BCKDHB: variants seen among roughly 807,000 people sequenced by gnomAD.
The protein encoded by BCKDHB is branched chain keto acid dehydrogenase E1 subunit beta.
Under a neutral mutation model 48.5 loss-of-function variants are expected in BCKDHB, and 41 were observed. The observed-to-expected ratio is 0.85, with a 90% CI of 0.66 to 1.10. The LOEUF (loss-of-function observed/expected upper bound fraction) is 1.10. Ranked by LOEUF, BCKDHB falls within the 50% of genes least tolerant of loss-of-function variation. BCKDHB has a pLI of 0.00. For synonymous variants in BCKDHB, 201 were observed against 174.8 expected (o/e 1.15, Z -1.18); for missense variants, 496 against 494.2 (o/e 1.00, Z -0.03).
At chr6:80,157,459 A>ATTT (rs36063034) in intron 3 of BCKDHB, among the ~76,000 whole-genome samples, 1,090 of 96,646 alleles carry the variant, frequency 0.011, 17 homozygotes, top group East Asian at 0.016. Context: ...TTGGGTGAGA[A>ATTT]TTTTTTTTTT....
chr6:80,125,391 A>T (rs940093201), intron 1 of BCKDHB, among the ~76,000 whole-genome samples: 2 of 152,126 alleles, frequency 1.3e-5, no homozygotes, highest in African/African-American at 4.8e-5. Flanking sequence ...CAATAAGGCT[A>T]TTTTGCTTTC....
intron 3 of BCKDHB, among the ~76,000 whole-genome samples, chr6:80,145,452 C>T (rs530329086): frequency 5.9e-5 from 9 of 152,308 alleles, no homozygotes; most frequent in African/African-American, 2.2e-4. Flanking sequence ...TAAGTAAAAA[C>T]AATGGGCTTG....
At chr6:80,113,845 C>T (rs1043479098) in intron 1 of BCKDHB, among the ~76,000 whole-genome samples, 5 of 152,148 alleles carry the variant, frequency 3.3e-5, no homozygotes, top group South Asian at 2.1e-4. Context: ...GGTCACTTTC[C>T]GCAACCAATC....
At chr6:80,406,427 C>T in the BCKDHB span, among the ~76,000 whole-genome samples, 1 of 152,238 alleles carries the variant, frequency 6.6e-6, no homozygotes, top group Non-Finnish European at 1.5e-5. Flanking sequence ...TGAGGAATCA[C>T]CACACTGTCT....
rs138926272 is a variant in BCKDHB at position 80,277,806 on chromosome 6, C to G, written c.1038+4585C>G. 3.0e-3 allele frequency among the ~76,000 whole-genome samples: 454 copies of G among 151,734 alleles called. 2 individuals carry two copies. The highest frequency in any genetic ancestry group is 0.01 in the African/African-American group (417 of 41,376). ...ATAAGAACTCAGAAACTGTGGATAC[C>G]AACATATATTTTTTAAGATTATCAG... On this transcript the variant is annotated intron_variant, in intron 9 of 9. Transcript: ENST00000320393.
intron 8 of BCKDHB, among the ~76,000 whole-genome samples, chr6:80,269,706 GATGAA>G (rs1777656244): frequency 6.6e-6 from 1 of 152,034 alleles, no homozygotes; most frequent in Admixed American, 6.6e-5. Flanking sequence ...TGTTTCAAGT[GATGAA>G]ATGAATTTAT....
downstream of BCKDHB, among the ~76,000 whole-genome samples, chr6:80,349,743 A>C (rs1011797248): frequency 1.3e-5 from 2 of 152,194 alleles, no homozygotes; most frequent in Admixed American, 6.5e-5. Context: ...TGACAGTTAA[A>C]TCCTTTATGT....
rs12663954 is a variant in BCKDHB, at chr6:80,208,422, G to A, written c.951+5210G>A. 3.4e-4 allele frequency among the ~76,000 whole-genome samples: 52 copies of A among 151,748 alleles called. No homozygotes were observed. In the East Asian group the frequency reaches 9.7e-3, roughly 28 times the overall value. On this transcript the variant is annotated intron_variant, in intron 8 of 9. Transcript: ENST00000320393. ...TTAATGATCTGAATTTCCATCTCCA[G>A]AAAGAAAATCAAACCTAGAGAAAGT...
chr6:80,356,934 T>TCCCCCG, the BCKDHB span: 1 of 58,418 alleles, frequency 1.7e-5, no homozygotes, highest in Non-Finnish European at 3.6e-5. Flanking sequence ...TCTCTCTCTC[T>TCCCCCG]CCCCCGCCCC....
intron 8 of BCKDHB, among the ~76,000 whole-genome samples, chr6:80,247,844 C>A (rs1398670340): frequency 6.6e-6 from 1 of 152,160 alleles, no homozygotes; most frequent in Non-Finnish European, 1.5e-5. Flanking sequence ...GTGATGAGGA[C>A]CACTTTAACA....
chr6:80,420,259 A>C, the BCKDHB span, among the ~76,000 whole-genome samples: 1 of 152,152 alleles, frequency 6.6e-6, no homozygotes, highest in Non-Finnish European at 1.5e-5. Context: ...CCATGTTTGC[A>C]TTTGAAAAAG....
chr6:80,204,721 T>C (rs1315514151), intron 8 of BCKDHB, among the ~76,000 whole-genome samples: 2 of 152,132 alleles, frequency 1.3e-5, no homozygotes, highest in African/African-American at 4.8e-5. Context: ...TAGCAGCTTA[T>C]TGTAAAGCAC....
chr6:80,238,912 C>T (rs1420045969), intron 8 of BCKDHB, among the ~76,000 whole-genome samples: 1 of 152,086 alleles, frequency 6.6e-6, no homozygotes, highest in African/African-American at 2.4e-5. Flanking sequence ...CATCCATGGC[C>T]CTGCAAAGGA....
chr6:80,402,151 A>G, the BCKDHB span, among the ~76,000 whole-genome samples: 1 of 151,792 alleles, frequency 6.6e-6, no homozygotes, highest in Non-Finnish European at 1.5e-5. Flanking sequence ...AGATTACTGA[A>G]TCATATAGTA....
At chr6:80,189,035 C>T (rs1249856120) in intron 6 of BCKDHB, among the ~76,000 whole-genome samples, 1 of 152,102 alleles carries the variant, frequency 6.6e-6, no homozygotes, top group African/African-American at 2.4e-5. Flanking sequence ...TTAAATCAAG[C>T]CATAATCTTC....
At chr6:80,171,445 A>G (rs1772911960) in intron 6 of BCKDHB, 55 bp downstream of exon 6, 1 of 1,035,414 alleles carries the variant, frequency 9.7e-7, no homozygotes, top group Non-Finnish European at 1.4e-6. Context: ...TTTGTTTTTT[A>G]TAGCTCTAAA....
At position 80,225,385 on chromosome 6, in the gene BCKDHB, T is replaced by A. The variant is rs569178939; in HGVS notation, c.951+22173T>A. Among the ~76,000 whole-genome samples, 15 of 152,318 alleles carry A rather than the reference T, an allele frequency of 9.8e-5. No individual in the cohort carries two copies. In the South Asian group the frequency reaches 1.4e-3, roughly 15 times the overall value. ...TAAGCAGATGCACATATGTTAGGGA[T>A]GTTGTAGACAAAAAGTGAATAAAAA... On this transcript the variant is annotated intron_variant, in intron 8 of 9. Coordinates refer to ENST00000320393, the MANE Select transcript of BCKDHB (RefSeq NM_183050.4).
chr6:80,464,113 T>C, the BCKDHB span, among the ~76,000 whole-genome samples: 1 of 152,022 alleles, frequency 6.6e-6, no homozygotes, highest in Non-Finnish European at 1.5e-5. Flanking sequence ...GTCTCTCTCA[T>C]CTTTAAATCT....
At chr6:80,463,531 A>G in the BCKDHB span, among the ~76,000 whole-genome samples, 6 of 152,260 alleles carry the variant, frequency 3.9e-5, no homozygotes, top group East Asian at 5.8e-4. Context: ...AGATAGAGAA[A>G]TGCCTTTGAT....
Sources: gnomAD v4.1 joint callset for allele counts (sites outside exome capture counted in the v4.1 genomes callset) on GRCh38, gnomAD v4.1.1 for gene constraint, MANE v1.5 for transcripts, NCBI Gene and HGNC (gene_info 2026-07-23, HGNC 2026-07-21) for gene names.